Variants in GALNT18 observed in about 807,000 individuals in gnomAD.
GALNT18 encodes GalNAc-transferase 18.
Under a neutral mutation model 69.5 loss-of-function variants are expected in GALNT18, and 44 were observed. That is an observed-to-expected ratio of 0.63 (90% CI 0.50 to 0.81). GALNT18 has a LOEUF of 0.81. Among genes scored for constraint, GALNT18 ranks in the 40% least tolerant of loss-of-function variants. GALNT18 has a pLI of 0.00. For synonymous variants in GALNT18, 364 were observed against 318.2 expected, an observed-to-expected ratio of 1.14 and a Z score of -1.53; for missense variants, 715 against 810.0, an observed-to-expected ratio of 0.88 and a Z score of 1.42.
At chr11:11,593,142 T>G (rs1436794874) in intron 1 of GALNT18, among the ~76,000 whole-genome samples, 1 of 152,206 alleles carries the variant, frequency 6.6e-6, no homozygotes, top group South Asian at 2.1e-4. Flanking sequence ...CTCGATATCC[T>G]GACCTCGTGA....
intron 1 of GALNT18, among the ~76,000 whole-genome samples, chr11:11,482,291 C>T (rs754107056): frequency 6.6e-5 from 10 of 152,252 alleles, no homozygotes; most frequent in Non-Finnish European, 1.2e-4. Context: ...GTGGGCACGC[C>T]GTCACTGTGC....
chr11:11,588,187 C>A (rs76051541), intron 1 of GALNT18, among the ~76,000 whole-genome samples: 5,500 of 152,222 alleles, frequency 0.036, 315 homozygotes, highest in African/African-American at 0.13. Flanking sequence ...TTCCCTCACA[C>A]TTTCTTGTCC....
intron 1 of GALNT18, among the ~76,000 whole-genome samples, chr11:11,545,594 T>C (rs1309185944): frequency 6.6e-6 from 1 of 152,202 alleles, no homozygotes; most frequent in East Asian, 1.9e-4. Flanking sequence ...AAAAATCACC[T>C]TGTTGGCAAG....
chr11:11,289,015 C>G (rs887353154), intron 10 of GALNT18, among the ~76,000 whole-genome samples: 1 of 152,046 alleles, frequency 6.6e-6, no homozygotes, highest in African/African-American at 2.4e-5. Context: ...TCCTTTCAGC[C>G]CAACTTGAGT....
chr11:11,284,262 C>T (rs1258383356), intron 10 of GALNT18, among the ~76,000 whole-genome samples: 1 of 152,204 alleles, frequency 6.6e-6, no homozygotes, highest in Non-Finnish European at 1.5e-5. Context: ...CCAAGTGTGT[C>T]TGTGGTGCCT....
chr11:11,560,052 G>C (rs1424905840), intron 1 of GALNT18, among the ~76,000 whole-genome samples: 3 of 146,572 alleles, frequency 2.0e-5, no homozygotes, highest in African/African-American at 7.6e-5. Flanking sequence ...GGATGGGATG[G>C]GATAGGATGG....
rs1015129333 is a variant in GALNT18, at chr11:11,459,822, G to A, written c.236-10886C>T. Among the ~76,000 whole-genome samples the A allele has an allele frequency of 1.3e-5, 2 of 152,338 alleles. No homozygotes were observed. The highest frequency in any genetic ancestry group is 2.9e-5 in the Non-Finnish European group (2 of 68,022). ...CTTAGTAGCTTGACAATGCAGACATGCTATCTTACAGTTCTGAAAGTAAGA... is the reference window on the plus strand; with the variant it reads ...CTTAGTAGCTTGACAATGCAGACATACTATCTTACAGTTCTGAAAGTAAGA... On this transcript the variant is annotated intron_variant, in intron 1 of 10. Transcript: ENST00000227756. This position sits in a 1 kb window ranked among gnomAD's most constrained non-coding sequence, Gnocchi z 5.0.
intron 9 of GALNT18, among the ~76,000 whole-genome samples, chr11:11,322,648 T>C (rs894201787): frequency 6.6e-6 from 1 of 152,226 alleles, no homozygotes; most frequent in African/African-American, 2.4e-5. Flanking sequence ...TAATACCAAA[T>C]GTTGGCAAGG....
At position 11,514,745 on chromosome 11, in the gene GALNT18, T is replaced by G. The variant is rs575290400; in HGVS notation, c.236-65809A>C. On this transcript the variant is annotated intron_variant, in intron 1 of 10. Coordinates refer to ENST00000227756, the MANE Select transcript of GALNT18 (RefSeq NM_198516.3). ...GACTGGAGGTTACAGAAGAGGCTGA[T>G]GGCACCAAGACAGACTCAACTGAGT... Among the ~76,000 whole-genome samples the G allele has an allele frequency of 3.3e-5, 5 of 152,258 alleles. No individual in the cohort carries two copies. The South Asian group carries it at 1.0e-3, about 32-fold the overall frequency.
intron 1 of GALNT18, among the ~76,000 whole-genome samples, chr11:11,554,004 T>C (rs890087804): frequency 6.6e-6 from 1 of 152,196 alleles, no homozygotes; most frequent in Non-Finnish European, 1.5e-5. Flanking sequence ...TCTGCACTGC[T>C]GGCCCACCGC....
rs1850319428 is a variant in GALNT18 at position 11,347,200 on chromosome 11, G to A, written c.1093-6196C>T. 6.6e-6 allele frequency among the ~76,000 whole-genome samples: 1 copy of A among 152,088 alleles called. No homozygotes were observed. Among genetic ancestry groups the A allele is most frequent in the African/African-American group, 2.4e-5 (1 of 41,408 alleles). On this transcript the variant is annotated intron_variant, in intron 6 of 10. Coordinates refer to ENST00000227756, the MANE Select transcript of GALNT18 (RefSeq NM_198516.3). The surrounding 1 kb of genome is among the most constrained non-coding windows in gnomAD (Gnocchi z 4.0). ...TTGTCTTAGGTCCCCTCTACTTTTT[G>A]TATTCTGTGATTTTGCATTTTCTAG...
rs182884305 is a variant in GALNT18, at chr11:11,448,979, C to T, written c.236-43G>A. ...AGGAGACAGTGGGTCAGAGTGCACC[C>T]CTGCATGTGCCATGACAATCCCTTT... On this transcript the variant is annotated intron_variant, in intron 1 of 10. Transcript: ENST00000227756. 60 of 1,420,096 alleles carry T rather than the reference C, an allele frequency of 4.2e-5. No homozygotes were observed. In the African/African-American group the frequency reaches 5.1e-4, roughly 12 times the overall value. The allele number at this position is 1,420,096 out of a possible 1,614,324, so 88.0% of individuals were successfully genotyped here. A position where few individuals can be genotyped will look rare whatever the true frequency, so the allele number is the denominator to read the frequency against.
rs1859371168 is a variant in GALNT18 at position 11,591,981 on chromosome 11, G to A, written c.235+29378C>T. Among the ~76,000 whole-genome samples, 1 of 152,190 alleles carries A rather than the reference G, an allele frequency of 6.6e-6. No homozygotes were observed. Among genetic ancestry groups the A allele is most frequent in the South Asian group, 2.1e-4 (1 of 4,828 alleles). ...CAGATACATGATTTAATGTTTCTGT[G>A]CCTCAATTTTATAATAGAAAAAGGG... On this transcript the variant is annotated intron_variant, in intron 1 of 10. Coordinates refer to ENST00000227756, the MANE Select transcript of GALNT18 (RefSeq NM_198516.3). The surrounding 1 kb of genome is among the most constrained non-coding windows in gnomAD (Gnocchi z 4.8).
chr11:11,305,114 G>A (rs1197309028), intron 9 of GALNT18, among the ~76,000 whole-genome samples: 1 of 152,190 alleles, frequency 6.6e-6, no homozygotes. Flanking sequence ...GAAAGATGGT[G>A]ACCTCATCTA....
In GALNT18 at chr11:11,542,183, C is replaced by CAAAGACTGGAAA. The variant is rs1240166646; in HGVS notation, c.235+79175_235+79176insTTTCCAGTCTTT. Among the ~76,000 whole-genome samples the CAAAGACTGGAAA allele has an allele frequency of 6.6e-6, 1 of 152,182 alleles. No individual in the cohort carries two copies. The highest frequency in any genetic ancestry group is 1.5e-5 in the Non-Finnish European group (1 of 68,034). On this transcript the variant is annotated intron_variant, in intron 1 of 10. Transcript: ENST00000227756. The surrounding 1 kb of genome is among the most constrained non-coding windows in gnomAD (Gnocchi z 4.3). ...TTTACTGACCATTAAAGACTTTGCC[C>CAAAGACTGGAAA]AAAGGCTGTGGCTGCGTCTTAGAAA... is the stretch of plus-strand genomic sequence containing the variant.
At chr11:11,568,643 T>C (rs925522057) in intron 1 of GALNT18, among the ~76,000 whole-genome samples, 2 of 151,990 alleles carry the variant, frequency 1.3e-5, no homozygotes, top group African/African-American at 4.8e-5. Flanking sequence ...GAGAGCAAGA[T>C]GTACAGGAGA....
At chr11:11,481,732 G>T (rs573908985) in intron 1 of GALNT18, among the ~76,000 whole-genome samples, 53 of 152,222 alleles carry the variant, frequency 3.5e-4, no homozygotes, top group African/African-American at 1.1e-3. Flanking sequence ...GGAGTAGAAT[G>T]GGGGGAAACG....
Position 11,382,762 on chromosome 11 carries a change from A to C in GALNT18, c.596-3498T>G, listed in dbSNP as rs1186205423. On this transcript the variant is annotated intron_variant, in intron 3 of 10. Transcript: ENST00000227756. The surrounding 1 kb of genome is among the most constrained non-coding windows in gnomAD (Gnocchi z 4.3). ...TTATTCCCTATGCAAGCTATCTTTAATTAATTTTTTGAAATTTCTATAAAT... is the reference window on the plus strand; with the variant it reads ...TTATTCCCTATGCAAGCTATCTTTACTTAATTTTTTGAAATTTCTATAAAT... Among the ~76,000 whole-genome samples, 1 of 152,112 alleles carries C rather than the reference A, an allele frequency of 6.6e-6. No individual in the cohort carries two copies. The highest frequency in any genetic ancestry group is 1.9e-4 in the East Asian group (1 of 5,170).
rs1554955537 is a variant in GALNT18 at position 11,591,159 on chromosome 11, C to CAT, written c.235+30199_235+30200insAT. ...TGCTGACTCTGTAGGCCTAGGCTAC[C>CAT]GTGTGTGTGTGTGTGTGTGTGTGTG... On this transcript the variant is annotated intron_variant, in intron 1 of 10. Transcript: ENST00000227756. This position sits in a 1 kb window ranked among gnomAD's most constrained non-coding sequence, Gnocchi z 4.8. Among the ~76,000 whole-genome samples the CAT allele has an allele frequency of 6.7e-6, 1 of 148,958 alleles. No individual in the cohort carries two copies. The highest frequency in any genetic ancestry group is 2.2e-4 in the South Asian group (1 of 4,646).
Sources: allele counts gnomAD v4.1 joint callset (sites outside exome capture counted in the v4.1 genomes callset), GRCh38; gene constraint gnomAD v4.1.1; non-coding constraint Gnocchi (gnomAD v3.1); transcripts MANE v1.5; gene names NCBI Gene and HGNC (gene_info 2026-07-23, HGNC 2026-07-21).